Variants in ASB15 observed in about 807,000 individuals in gnomAD.
ASB15 encodes the protein ankyrin repeat and SOCS box protein 15.
In ASB15, 54 loss-of-function variants were observed where a neutral mutation model predicts 58.0. The observed-to-expected ratio is 0.93, with a 90% CI of 0.75 to 1.17. The LOEUF is 1.17. Ranked by LOEUF, ASB15 falls within the 50% of genes most tolerant of loss-of-function variation. The probability of loss-of-function intolerance (pLI) is 0.00; values close to 1 mark genes in which losing one functional copy is unlikely to be tolerated. For synonymous variants in ASB15, 249 were observed against 262.4 expected (o/e 0.95, Z 0.50); for missense variants, 680 against 707.4 (o/e 0.96, Z 0.44).
chr7:123,616,170 G>A (rs768728971), intron 4 of ASB15, 51 bp from the exon 5 acceptor site: 3 of 1,393,434 alleles, frequency 2.2e-6, no homozygotes, highest in Non-Finnish European at 3.0e-6. Flanking sequence ...TTGGTTCCTT[G>A]AACTATATCA....
intron 8 of ASB15, among the ~76,000 whole-genome samples, chr7:123,626,057 TAC>T (rs2116627353): frequency 6.6e-6 from 1 of 152,328 alleles, no homozygotes; most frequent in Admixed American, 6.5e-5. Flanking sequence ...TGGAATATCA[TAC>T]AGTTTGTGCT....
chr7:123,610,654 G>A (rs377560498), intron 3 of ASB15, among the ~76,000 whole-genome samples: 1 of 152,124 alleles, frequency 6.6e-6, no homozygotes, highest in South Asian at 2.1e-4. Context: ...CCTCTGGAGG[G>A]AGAATCCATA....
intron 7 of ASB15, among the ~76,000 whole-genome samples, chr7:123,619,677 C>CT (rs1562932290): frequency 1.5e-4 from 23 of 152,128 alleles, no homozygotes; most frequent in African/African-American, 5.6e-4. Flanking sequence ...GCGCCCGCCA[C>CT]CACGCCCAGC....
upstream of ASB15, among the ~76,000 whole-genome samples, chr7:123,597,321 A>G (rs1363367822): frequency 2.0e-5 from 3 of 152,214 alleles, no homozygotes; most frequent in African/African-American, 4.8e-5. Flanking sequence ...TTTGTGTTCA[A>G]GGAACCTTTA....
chr7:123,616,580 T>G (rs1363662586), intron 6 of ASB15, 85 bp downstream of exon 6: 6 of 1,386,412 alleles, frequency 4.3e-6, no homozygotes, highest in Non-Finnish European at 5.9e-6. Context: ...TGAACATAAC[T>G]AGCAGAAAGA....
rs527956966 is a variant in ASB15, at chr7:123,585,793, G to A, written c.-442-18239G>A. On this transcript the variant is annotated intron_variant, in intron 1 of 13. Coordinates refer to the ASB15 transcript ENST00000451558. ...GAAACTCTGTTTCTATGAATTCAACGTTTTTAGATTCCACATATAAGAGAT... is the reference window on the plus strand; with the variant it reads ...GAAACTCTGTTTCTATGAATTCAACATTTTTAGATTCCACATATAAGAGAT... Among the ~76,000 whole-genome samples, 127 of 151,690 alleles carry A rather than the reference G, an allele frequency of 8.4e-4. 1 individual carries two copies. The highest frequency in any genetic ancestry group is 2.9e-3 in the South Asian group (14 of 4,822).
intron 1 of ASB15, among the ~76,000 whole-genome samples, chr7:123,602,456 AAATT>A (rs1353218509): frequency 5.3e-5 from 8 of 152,198 alleles, no homozygotes; most frequent in African/African-American, 1.9e-4. Flanking sequence ...AAAGTCCTTA[AAATT>A]TATCTGATAT....
chr7:123,592,399 C>T (rs564042600), intron 1 of ASB15, among the ~76,000 whole-genome samples: 129 of 152,294 alleles, frequency 8.5e-4, no homozygotes, highest in African/African-American at 3.1e-3. Flanking sequence ...TTAGATCTTT[C>T]CTGCTTTCTC....
intron 1 of ASB15, among the ~76,000 whole-genome samples, chr7:123,579,339 A>G (rs2116310528): frequency 6.6e-6 from 1 of 152,228 alleles, no homozygotes; most frequent in East Asian, 1.9e-4. Context: ...GTTATAGTTA[A>G]AAATAAGGAT....
rs115443510 is a variant in ASB15 at position 123,574,537 on chromosome 7, G to A, written c.-443+7449G>A. Among the ~76,000 whole-genome samples, 707 of 152,192 alleles carry A rather than the reference G, an allele frequency of 4.6e-3. 6 individuals carry two copies. Among genetic ancestry groups the A allele is most frequent in the African/African-American group, 0.016 (678 of 41,538 alleles). On this transcript the variant is annotated intron_variant, in intron 1 of 13. Transcript: ENST00000451558. ...GGCTGTGAACCACACTTTAAGAACC[G>A]CTAGTTAAAAACACTGTTTACATGT...
chr7:123,633,305 A>G (rs995002751), intron 11 of ASB15, among the ~76,000 whole-genome samples: 2 of 151,912 alleles, frequency 1.3e-5, no homozygotes, highest in Non-Finnish European at 2.9e-5. Flanking sequence ...TAGATAAAAT[A>G]AATAATATTT....
chr7:123,627,250 A>G lies in ASB15; in HGVS notation c.838A>G (p.Ile280Val), dbSNP rs1801853425. The change falls in exon 9 of 12, where the codon ATA (isoleucine) becomes GTA (valine). Residue 280 changes from isoleucine (I) to valine (V), a missense_variant. By Grantham distance (29) the Ile-to-Val change is conservative. Coordinates refer to ENST00000451215, the MANE Select transcript of ASB15 (RefSeq NM_001290258.2). ...ACCTAACCGAGCAGGACATCTTCCT[A>G]TACACCGAGCTGCCTATGAGGGGCA... ...NVPNRAGHLPIHRAAYEGHYL... is the reference protein window; with the variant it reads ...NVPNRAGHLPVHRAAYEGHYL... 4 of 1,613,928 alleles carry G rather than the reference A, an allele frequency of 2.5e-6. 2 individuals carry two copies. The South Asian group carries it at 4.4e-5, about 18-fold the overall frequency.
intron 1 of ASB15, among the ~76,000 whole-genome samples, chr7:123,595,963 A>T (rs989875326): frequency 7.2e-5 from 11 of 152,202 alleles, no homozygotes; most frequent in African/African-American, 2.4e-4. Flanking sequence ...GAAATGTAAA[A>T]TTTTGCTTTA....
Position 123,629,000 on chromosome 7 carries a change from ACT to A in ASB15, c.1009_1010del (p.Leu337ThrfsTer3). The A allele has an allele frequency of 1.2e-6, 2 of 1,613,772 alleles. No individual in the cohort carries two copies. The highest frequency in any genetic ancestry group is 1.7e-6 in the Non-Finnish European group (2 of 1,179,708). On this transcript the variant is annotated frameshift_variant, in exon 10 of 12. Transcript: ENST00000451215. LOFTEE classifies it high-confidence loss of function. The stretch of plus-strand genomic sequence containing the variant: ...CATTGAAAATGGTTTTGATGTCAAC[ACT>A]CTACTTGCTGACCACATTTCCCAGA... Reference protein sequence around the residue: ...LLIENGFDVNTLLADHISQSY... With the variant: ...LLIENGFDVNXLLADHISQSY...
rs1287305196 is a variant in ASB15, at chr7:123,638,561, G to A, written c.*1580G>A. The A allele has an allele frequency of 2.0e-5, 3 of 152,080 alleles. No individual in the cohort carries two copies. The highest frequency in any genetic ancestry group is 4.4e-5 in the Non-Finnish European group (3 of 68,012). 9.4% of individuals were successfully genotyped at this position (152,080 alleles called of 1,614,324 possible). ...AGTTGAATGACTTTTACCTTGAAAA[G>A]ACCTCACACTGCTCTCATTTCCCCA... On this transcript the variant is annotated 3_prime_UTR_variant, in exon 12 of 12. Coordinates refer to ENST00000451215, the MANE Select transcript of ASB15 (RefSeq NM_001290258.2).
chr7:123,570,832 C>A (rs1361839760), intron 1 of ASB15, among the ~76,000 whole-genome samples: 1 of 152,146 alleles, frequency 6.6e-6, no homozygotes, highest in Non-Finnish European at 1.5e-5. Context: ...CTTTTTCTAA[C>A]AAATTTACCT....
intron 1 of ASB15, among the ~76,000 whole-genome samples, chr7:123,575,728 G>A (rs1293954699): frequency 1.3e-5 from 2 of 150,750 alleles, no homozygotes; most frequent in Non-Finnish European, 3.0e-5. Context: ...TAATTATCTT[G>A]TAAGTGATGC....
chr7:123,633,516 A>G (rs570231743), intron 11 of ASB15, among the ~76,000 whole-genome samples: 2 of 152,282 alleles, frequency 1.3e-5, no homozygotes, highest in African/African-American at 4.8e-5. Context: ...AAGAGATTAA[A>G]GAGAAATCCT....
intron 1 of ASB15, among the ~76,000 whole-genome samples, 198 bp from the exon 2 acceptor site, chr7:123,603,834 T>C (rs1166230155): frequency 6.6e-6 from 1 of 152,210 alleles, no homozygotes; most frequent in Non-Finnish European, 1.5e-5. Context: ...ATCTTTGGGA[T>C]ACTGGGGTCT....
Sources: gnomAD v4.1 joint callset for allele counts (sites outside exome capture counted in the v4.1 genomes callset) on GRCh38, gnomAD v4.1.1 for gene constraint, MANE v1.5 for transcripts, NCBI Gene and HGNC (gene_info 2026-07-23, HGNC 2026-07-21) for gene names.